The following CATSPERT variants were observed in gnomAD, a reference collection of about 807,000 sequenced individuals.
CATSPERT encodes the protein cation channel sperm-associated targeting subunit tau.
At chr2:201,490,011 G>A in the CATSPERT span, among the ~76,000 whole-genome samples, 2 of 151,838 alleles carry the variant, frequency 1.3e-5, no homozygotes, top group South Asian at 2.1e-4. Context: ...CGTGCACCAC[G>A]ACACCCAGCT....
At chr2:201,593,797 C>T in the CATSPERT span, among the ~76,000 whole-genome samples, 2 of 150,700 alleles carry the variant, frequency 1.3e-5, no homozygotes, top group Non-Finnish European at 3.0e-5. Context: ...ACTAGGATTG[C>T]AACCCCTGCC....
At chr2:201,496,902 C>G in the CATSPERT span, among the ~76,000 whole-genome samples, 1 of 152,162 alleles carries the variant, frequency 6.6e-6, no homozygotes, top group Non-Finnish European at 1.5e-5. Flanking sequence ...ATTGGGTACT[C>G]AGTCCCCCAC....
At chr2:201,593,491 A>G in the CATSPERT span, among the ~76,000 whole-genome samples, 1 of 137,962 alleles carries the variant, frequency 7.2e-6, no homozygotes. Flanking sequence ...GTAGATGTCT[A>G]TTAGGTCCGC....
the CATSPERT span, among the ~76,000 whole-genome samples, chr2:201,499,843 T>C: frequency 3.2e-4 from 47 of 147,078 alleles, no homozygotes; most frequent in African/African-American, 1.1e-3. Flanking sequence ...AAAAAAATTA[T>C]ATATATATAT....
the CATSPERT span, among the ~76,000 whole-genome samples, chr2:201,548,037 G>A: frequency 6.6e-6 from 1 of 152,022 alleles, no homozygotes; most frequent in East Asian, 1.9e-4. Flanking sequence ...AATAGACTGG[G>A]TGACTTAAAC....
chr2:201,494,196 A>G, the CATSPERT span: 1 of 1,534,590 alleles, frequency 6.5e-7, no homozygotes, highest in African/African-American at 1.4e-5. Context: ...TTGATGATTT[A>G]TCATGAATGC....
At chr2:201,494,371 G>T in the CATSPERT span, 1 of 1,537,052 alleles carries the variant, frequency 6.5e-7, no homozygotes, top group Non-Finnish European at 8.7e-7. Flanking sequence ...TAAAGACTTC[G>T]AGAGGTGACA....
chr2:201,493,555 A>G, the CATSPERT span: 1 of 1,537,008 alleles, frequency 6.5e-7, no homozygotes, highest in South Asian at 1.2e-5. Flanking sequence ...TGCTTGTATT[A>G]TCTGGCTTGT....
At chr2:201,559,496 C>A in the CATSPERT span, among the ~76,000 whole-genome samples, 3 of 152,208 alleles carry the variant, frequency 2.0e-5, no homozygotes, top group Admixed American at 2.0e-4. Flanking sequence ...CATCTGACGC[C>A]TATGAAACAG....
At chr2:201,542,130 C>A in the CATSPERT span, among the ~76,000 whole-genome samples, 1 of 151,340 alleles carries the variant, frequency 6.6e-6, no homozygotes, top group African/African-American at 2.4e-5. Flanking sequence ...ACTTAATAGA[C>A]AAAAGTATAG....
the CATSPERT span, among the ~76,000 whole-genome samples, chr2:201,565,152 G>A: frequency 4.6e-5 from 7 of 152,074 alleles, no homozygotes; most frequent in African/African-American, 1.2e-4. Context: ...GGTGAATGAG[G>A]AGACAGCAAG....
the CATSPERT span, among the ~76,000 whole-genome samples, chr2:201,565,201 G>T: frequency 6.6e-6 from 1 of 151,930 alleles, no homozygotes; most frequent in African/African-American, 2.4e-5. Context: ...TTTCACCTCA[G>T]CTAGGCACAA....
chr2:201,528,337 G>A, the CATSPERT span, among the ~76,000 whole-genome samples: 1,773 of 152,290 alleles, frequency 0.012, 35 homozygotes, highest in African/African-American at 0.04. Flanking sequence ...TTCACCCACT[G>A]TGAAAAGCTG....
the CATSPERT span, among the ~76,000 whole-genome samples, chr2:201,595,237 G>A: frequency 6.7e-6 from 1 of 150,322 alleles, no homozygotes; most frequent in African/African-American, 2.4e-5. Flanking sequence ...CGCCCAGGCT[G>A]GGGTGCAGTG....
At chr2:201,565,865 TAA>T in the CATSPERT span, 1 of 1,578,490 alleles carries the variant, frequency 6.3e-7, no homozygotes, top group Non-Finnish European at 8.6e-7. Flanking sequence ...TGTGGTGTAA[TAA>T]CTTTTCTGCA....
At chr2:201,542,005 T>C in the CATSPERT span, among the ~76,000 whole-genome samples, 2 of 152,176 alleles carry the variant, frequency 1.3e-5, no homozygotes, top group African/African-American at 4.8e-5. Context: ...GCAATCCTCC[T>C]GCCTTGGCCT....
At chr2:201,503,051 T>A in the CATSPERT span, among the ~76,000 whole-genome samples, 1 of 152,024 alleles carries the variant, frequency 6.6e-6, no homozygotes, top group African/African-American at 2.4e-5. Flanking sequence ...TCCTTTGGGG[T>A]TAATTATACC....
At chr2:201,575,719 C>T in the CATSPERT span, among the ~76,000 whole-genome samples, 2 of 152,166 alleles carry the variant, frequency 1.3e-5, no homozygotes, top group South Asian at 2.1e-4. Flanking sequence ...GGAAACCAAG[C>T]TCAGGGCTCC....
the CATSPERT span, among the ~76,000 whole-genome samples, chr2:201,596,112 A>G: frequency 2.0e-5 from 3 of 152,214 alleles, no homozygotes; most frequent in Non-Finnish European, 2.9e-5. Context: ...TCTGTTATAA[A>G]AATACATGCA....
Sources: allele counts gnomAD v4.1 joint callset (sites outside exome capture counted in the v4.1 genomes callset), GRCh38; gene constraint gnomAD v4.1.1; transcripts MANE v1.5; gene names NCBI Gene and HGNC (gene_info 2026-07-23, HGNC 2026-07-21).